RBFOX1: variants seen among roughly 807,000 people sequenced by gnomAD.
RBFOX1 encodes RNA binding protein fox-1 homolog 1.
In RBFOX1, 8 loss-of-function variants were observed where a neutral mutation model predicts 57.7. The ratio of observed to expected loss-of-function variants is 0.14; its 90% CI spans 0.08 to 0.25. RBFOX1 has a LOEUF of 0.25. Ranked by LOEUF, RBFOX1 falls within the 10% of genes least tolerant of loss-of-function variation. The pLI is 1.00. For synonymous variants in RBFOX1, 326 were observed against 222.4 expected (o/e 1.47, Z -4.15); for missense variants, 611 against 548.5 (o/e 1.11, Z -1.14).
chr16:7,090,623 A>G (rs2060669976), intron 4 of RBFOX1, among the ~76,000 whole-genome samples: 1 of 152,164 alleles, frequency 6.6e-6, no homozygotes, highest in Admixed American at 6.5e-5. Context: ...TCAAAAATAA[A>G]TTTTGTAGTT....
chr16:6,921,114 G>A (rs1033469595), intron 3 of RBFOX1, among the ~76,000 whole-genome samples: 1 of 152,108 alleles, frequency 6.6e-6, no homozygotes, highest in Non-Finnish European at 1.5e-5. Context: ...CCATTGATAA[G>A]TTTCCTAAAC....
At chr16:6,934,578 G>A (rs1051475924) in intron 3 of RBFOX1, among the ~76,000 whole-genome samples, 18 of 152,140 alleles carry the variant, frequency 1.2e-4, no homozygotes, top group African/African-American at 2.9e-4. Flanking sequence ...AGATAACAAA[G>A]TCATGTCATT....
intron 1 of RBFOX1, among the ~76,000 whole-genome samples, chr16:5,257,905 G>T (rs186309951): frequency 1.4e-4 from 22 of 152,246 alleles, no homozygotes; most frequent in Non-Finnish European, 2.6e-4. Flanking sequence ...TTGAGACAGG[G>T]TCTAACTCTG....
At chr16:6,475,868 C>T (rs1157919272) in intron 2 of RBFOX1, among the ~76,000 whole-genome samples, 1 of 152,146 alleles carries the variant, frequency 6.6e-6, no homozygotes, top group Non-Finnish European at 1.5e-5. Context: ...AAAGGATAAT[C>T]TACGTCGCAT....
chr16:5,328,784 G>C (rs6500682), intron 1 of RBFOX1, among the ~76,000 whole-genome samples: 15,798 of 152,224 alleles, frequency 0.1, 2,745 homozygotes, highest in African/African-American at 0.36. Flanking sequence ...CAGCCAATCA[G>C]ATTTTTACAT....
At chr16:6,844,667 A>C (rs1322444577) in intron 3 of RBFOX1, among the ~76,000 whole-genome samples, 1 of 152,146 alleles carries the variant, frequency 6.6e-6, no homozygotes, top group African/African-American at 2.4e-5. Flanking sequence ...ATACCTTTAT[A>C]AAAGAATGAT....
intron 4 of RBFOX1, among the ~76,000 whole-genome samples, chr16:7,243,903 A>G (rs569328042): frequency 6.6e-6 from 1 of 152,254 alleles, no homozygotes; most frequent in African/African-American, 2.4e-5. Context: ...CACATAATCA[A>G]AACTCTTAAT....
intron 1 of RBFOX1, among the ~76,000 whole-genome samples, chr16:6,098,568 G>A (rs1273303095): frequency 2.6e-5 from 4 of 152,208 alleles, no homozygotes; most frequent in African/African-American, 9.6e-5. Flanking sequence ...CATTAGTCCT[G>A]CAGAAACCCT....
intron 3 of RBFOX1, among the ~76,000 whole-genome samples, chr16:6,662,890 C>T (rs985626021): frequency 3.3e-5 from 5 of 152,128 alleles, no homozygotes; most frequent in African/African-American, 7.2e-5. Context: ...CCCATAGACT[C>T]GTAAAACATT....
intron 4 of RBFOX1, among the ~76,000 whole-genome samples, chr16:7,477,029 C>T (rs1181036371): frequency 6.6e-6 from 1 of 152,178 alleles, no homozygotes; most frequent in Admixed American, 6.5e-5. Context: ...CACTTGCTGT[C>T]AGGCTGGAAC....
At chr16:7,526,710 G>T (rs1408999170) in intron 5 of RBFOX1, among the ~76,000 whole-genome samples, 1 of 152,206 alleles carries the variant, frequency 6.6e-6, no homozygotes, top group Admixed American at 6.5e-5. Flanking sequence ...TTTGCTCATT[G>T]ACTGTCAGAC....
rs151177772 is a variant in RBFOX1, at chr16:6,824,983, G to GTTTTTTTTTTT, written c.-16+170354_-16+170364dup. On this transcript the variant is annotated intron_variant, in intron 3 of 15. Transcript: ENST00000550418. Reference sequence around the variant, plus strand: ...GGATTTCTTTTTTCTTTCTTTCTTGGTTTTTTTTTTTTTTTTTTTTTTTTT... The same window carrying GTTTTTTTTTTT: ...GGATTTCTTTTTTCTTTCTTTCTTGGTTTTTTTTTTTTTTTTTTTTTTTTTTTTTTTTTTTT... 4.9e-3 allele frequency among the ~76,000 whole-genome samples: 180 copies of GTTTTTTTTTTT among 36,906 alleles called. 46 individuals carry two copies. The highest frequency in any genetic ancestry group is 8.2e-3 in the Non-Finnish European group (138 of 16,930). 24.2% of individuals were successfully genotyped at this position (36,906 alleles called of 152,430 possible). A position where few individuals can be genotyped will look rare whatever the true frequency, so the allele number is the denominator to read the frequency against.
At chr16:6,786,305 T>C (rs112583368) in intron 3 of RBFOX1, among the ~76,000 whole-genome samples, 3,202 of 152,238 alleles carry the variant, frequency 0.021, 126 homozygotes, top group African/African-American at 0.072. Flanking sequence ...CCACTTGTTA[T>C]AATTCTTCCC....
chr16:7,295,979 C>T (rs1286410206), intron 4 of RBFOX1, among the ~76,000 whole-genome samples: 1 of 152,086 alleles, frequency 6.6e-6, no homozygotes, highest in Non-Finnish European at 1.5e-5. Flanking sequence ...AATAGTTATT[C>T]AAGCCTAAAG....
At chr16:5,512,001 A>G (rs79574298) in intron 2 of RBFOX1, among the ~76,000 whole-genome samples, 4,286 of 152,340 alleles carry the variant, frequency 0.028, 216 homozygotes, top group African/African-American at 0.098. Context: ...AGGGAAGCAG[A>G]AATAAATCTC....
intron 3 of RBFOX1, among the ~76,000 whole-genome samples, chr16:6,915,897 T>C (rs1026585053): frequency 6.6e-5 from 10 of 152,158 alleles, no homozygotes. Flanking sequence ...GTGGACATGT[T>C]CCGTGAAAGG....
intron 1 of RBFOX1, among the ~76,000 whole-genome samples, chr16:5,327,329 T>A (rs1051938724): frequency 1.3e-5 from 2 of 152,180 alleles, no homozygotes; most frequent in Non-Finnish European, 2.9e-5. Flanking sequence ...TTGGGGAATC[T>A]GTGTAGCCCA....
At chr16:5,918,383 G>A (rs1567146186) in intron 4 of RBFOX1, among the ~76,000 whole-genome samples, 1 of 152,198 alleles carries the variant, frequency 6.6e-6, no homozygotes, top group South Asian at 2.1e-4. Flanking sequence ...GCCTCCCAAA[G>A]TGCTGGGATT....
rs150130220 is a variant in RBFOX1, at chr16:6,606,974, A to G, written c.-63-47629A>G. ...GTTGAACAAATTTACATTCCCACTA[A>G]CAGTGTAAAAGCATTCCTATTTCTC... On this transcript the variant is annotated intron_variant, in intron 2 of 15. Coordinates refer to ENST00000550418, the MANE Select transcript of RBFOX1 (RefSeq NM_018723.4). 5.9e-3 allele frequency among the ~76,000 whole-genome samples: 897 copies of G among 152,280 alleles called. 9 individuals are homozygous for G. The highest frequency in any genetic ancestry group is 8.5e-3 in the Non-Finnish European group (575 of 68,010).
Sources: gnomAD v4.1 joint callset for allele counts (sites outside exome capture counted in the v4.1 genomes callset) on GRCh38, gnomAD v4.1.1 for gene constraint, MANE v1.5 for transcripts, NCBI Gene and HGNC (gene_info 2026-07-23, HGNC 2026-07-21) for gene names.